NBAS: variants seen among roughly 807,000 people sequenced by gnomAD.
NBAS encodes NBAS subunit of NRZ tethering complex.
Under a neutral mutation model 302.5 loss-of-function variants are expected in NBAS, and 219 were observed. The ratio of observed to expected loss-of-function variants is 0.72; its 90% CI spans 0.65 to 0.81. The LOEUF is 0.81. Among genes scored for constraint, NBAS ranks in the 30% least tolerant of loss-of-function variants. The pLI is 0.00. For missense variants in NBAS, 2,932 were observed against 2,841.6 expected (o/e 1.03, Z -0.72); for synonymous variants, 1,118 against 1,021.6 (o/e 1.09, Z -1.80).
In NBAS at chr2:15,327,793, C is replaced by T. The variant is rs2148223611; in HGVS notation, c.4539G>A (p.Leu1513=). Residue 1513 remains leucine, a synonymous_variant, in exon 38 of 52, where the codon TTG becomes TTA. Coordinates refer to ENST00000281513, the MANE Select transcript of NBAS (RefSeq NM_015909.4). ...FAEVLLRTGK[L]AEAKNKGEVF... ...CTTCTCCTTTATTTTTAGCCTCTGC[C>T]AATTTTCCAGTTCTCAGCAATACTT... The T allele has an allele frequency of 6.2e-7, 1 of 1,613,714 alleles. No homozygotes were observed. Among genetic ancestry groups the T allele is most frequent in the Non-Finnish European group, 8.5e-7 (1 of 1,179,786 alleles).
intron 9 of NBAS, among the ~76,000 whole-genome samples, chr2:15,517,724 C>A (rs1421247504): frequency 6.6e-6 from 1 of 152,098 alleles, no homozygotes; most frequent in Non-Finnish European, 1.5e-5. Context: ...GATGGGATGT[C>A]AAAACACACA....
chr2:15,370,025 G>C (rs1470823254), intron 31 of NBAS, among the ~76,000 whole-genome samples: 2 of 152,356 alleles, frequency 1.3e-5, no homozygotes, highest in East Asian at 3.9e-4. Context: ...GGCAAGGAAG[G>C]TGTAACACGC....
In NBAS at chr2:15,366,690, C is replaced by A. The variant is rs754435346; in HGVS notation, c.3707G>T (p.Arg1236Leu). ...FGVKILPLQV[R>L]LCPDRISLIK... ...GAGACTGATCCGATCAGGGCACAATCGCACTACAAAAGAAAGACGTATTAA... is the reference window on the plus strand; with the variant it reads ...GAGACTGATCCGATCAGGGCACAATAGCACTACAAAAGAAAGACGTATTAA... Residue 1236 changes from arginine (R) to leucine (L), a missense_variant, in exon 32 of 52, where the codon CGA becomes CTA. Arg to Leu is a moderately radical substitution (Grantham distance 102). Coordinates refer to ENST00000281513, the MANE Select transcript of NBAS (RefSeq NM_015909.4). The A allele has an allele frequency of 2.7e-5, 44 of 1,613,494 alleles. No homozygotes were observed. Among genetic ancestry groups the A allele is most frequent in the Non-Finnish European group, 3.6e-5 (42 of 1,179,658 alleles).
rs533513672 is a variant in NBAS at position 15,307,201 on chromosome 2, G to A, written c.4797+1015C>T. Among the ~76,000 whole-genome samples the A allele has an allele frequency of 8.5e-4, 130 of 152,256 alleles. 1 individual carries two copies. In the Middle Eastern group the frequency reaches 0.017, roughly 20 times the overall value. On this transcript the variant is annotated intron_variant, in intron 40 of 51. Transcript: ENST00000281513. Reference sequence around the variant, plus strand: ...TGTGGGCAGCATGACTCCAGCCTCCGGAACCCAACAATGTATCTTTAATTG... The same window carrying A: ...TGTGGGCAGCATGACTCCAGCCTCCAGAACCCAACAATGTATCTTTAATTG...
At chr2:15,550,426 G>T (rs1047418070) in intron 6 of NBAS, among the ~76,000 whole-genome samples, 1 of 152,110 alleles carries the variant, frequency 6.6e-6, no homozygotes, top group Admixed American at 6.5e-5. Flanking sequence ...TCAACACAAT[G>T]ACCATGTTTA....
chr2:15,010,809 A>G, the NBAS span, among the ~76,000 whole-genome samples: 4 of 152,206 alleles, frequency 2.6e-5, no homozygotes, highest in Non-Finnish European at 5.9e-5. Context: ...AAGATTACAC[A>G]TAGTTGATTA....
intron 42 of NBAS, among the ~76,000 whole-genome samples, chr2:15,286,587 C>A (rs1029392313): frequency 2.0e-5 from 3 of 152,200 alleles, no homozygotes; most frequent in Non-Finnish European, 4.4e-5. Flanking sequence ...TATTGTCTAC[C>A]TAGAAAATGC....
At chr2:15,061,674 A>C in the NBAS span, among the ~76,000 whole-genome samples, 1 of 152,276 alleles carries the variant, frequency 6.6e-6, no homozygotes, top group South Asian at 2.1e-4. Flanking sequence ...GGCTTCGCCC[A>C]GGACCCCAAT....
intron 38 of NBAS, among the ~76,000 whole-genome samples, 154 bp downstream of exon 38, chr2:15,327,596 T>C (rs1672130201): frequency 6.6e-6 from 1 of 152,190 alleles, no homozygotes. Flanking sequence ...ACAAAATTAA[T>C]AAATGGATGA....
the NBAS span, among the ~76,000 whole-genome samples, chr2:15,011,941 C>G: frequency 2.0e-5 from 3 of 152,158 alleles, no homozygotes. Flanking sequence ...AAAATCTACT[C>G]CATACAGTTG....
the NBAS span, among the ~76,000 whole-genome samples, chr2:14,882,843 G>A: frequency 2.0e-5 from 3 of 152,102 alleles, no homozygotes; most frequent in Admixed American, 1.3e-4. Flanking sequence ...GTTAATGATC[G>A]TGTCAAAAAT....
chr2:15,239,991 T>G (rs2147949842), intron 44 of NBAS, among the ~76,000 whole-genome samples: 1 of 152,336 alleles, frequency 6.6e-6, no homozygotes, highest in South Asian at 2.1e-4. Flanking sequence ...CAGACGCCTC[T>G]GAGAGATCCT....
intron 48 of NBAS, among the ~76,000 whole-genome samples, chr2:15,211,597 G>A (rs922915524): frequency 6.6e-6 from 1 of 152,004 alleles, no homozygotes; most frequent in South Asian, 2.1e-4. Flanking sequence ...TTCCTTCAAC[G>A]TTTTTCTCGC....
the NBAS span, among the ~76,000 whole-genome samples, chr2:15,128,223 A>G: frequency 6.6e-6 from 1 of 152,250 alleles, no homozygotes; most frequent in Non-Finnish European, 1.5e-5. Flanking sequence ...TGAACTAAGT[A>G]CTGCCTTTAA....
chr2:15,539,083 A>G (rs1005044407), intron 7 of NBAS, 140 bp downstream of exon 7: 7 of 1,132,268 alleles, frequency 6.2e-6, no homozygotes, highest in African/African-American at 1.6e-5. Context: ...ATTTCTAACT[A>G]GATTCTGGGC....
the NBAS span, among the ~76,000 whole-genome samples, chr2:15,123,310 C>T: frequency 2.6e-5 from 4 of 152,174 alleles, no homozygotes; most frequent in African/African-American, 9.7e-5. Flanking sequence ...GCATCTTCTC[C>T]ATCCCTTTCA....
intron 24 of NBAS, 51 bp downstream of exon 24, chr2:15,417,476 G>A: frequency 6.8e-7 from 1 of 1,464,636 alleles, no homozygotes; most frequent in Non-Finnish European, 9.5e-7. Context: ...GTATCAAAGT[G>A]CATAGAAAAT....
chr2:14,912,714 A>T, the NBAS span, among the ~76,000 whole-genome samples: 832 of 51,902 alleles, frequency 0.016, 16 homozygotes, highest in African/African-American at 0.092. Context: ...AAAAAAAAAA[A>T]AAAAAAAAAA....
rs1179204574 is a variant in NBAS, at chr2:15,191,209, G to A, written c.6433-806C>T. Among the ~76,000 whole-genome samples the A allele has an allele frequency of 3.3e-5, 5 of 152,158 alleles. No individual in the cohort carries two copies. The East Asian group carries it at 9.6e-4, about 29-fold the overall frequency. On this transcript the variant is annotated intron_variant, in intron 48 of 51. Transcript: ENST00000281513. ...ATGAGTTCATAATGATTTGGGTACA[G>A]ACATTCAGATGATGATACCTTGAAA... is the stretch of plus-strand genomic sequence containing the variant.
Sources: gnomAD v4.1 joint callset for allele counts (sites outside exome capture counted in the v4.1 genomes callset) on GRCh38, gnomAD v4.1.1 for gene constraint, MANE v1.5 for transcripts, NCBI Gene and HGNC (gene_info 2026-07-23, HGNC 2026-07-21) for gene names.